Variants in E2F2 observed in about 807,000 individuals in gnomAD.
E2F2 encodes the protein E2F transcription factor 2.
In E2F2, 22 loss-of-function variants were observed where a neutral mutation model predicts 42.2. The observed-to-expected ratio is 0.52, with a 90% CI of 0.37 to 0.74. E2F2 has a LOEUF of 0.74. Ranked by LOEUF, E2F2 falls within the 30% of genes least tolerant of loss-of-function variation. The probability of loss-of-function intolerance (pLI) is 0.00; values close to 1 mark genes in which losing one functional copy is unlikely to be tolerated. For missense variants in E2F2, 481 were observed against 557.8 expected (o/e 0.86, Z 1.39); for synonymous variants, 248 against 251.6 (o/e 0.99, Z 0.13).
In E2F2 at chr1:23,530,545, C is replaced by T. The variant is rs376721695; in HGVS notation, c.249G>A (p.Leu83=). ...CGGTGGGGGCCCCCAGCATTACCGG[C>T]AGCCGGCCTGCCGGCAGGCATCGCA... ...QVVRCLPAGR[L]PAKRKLDLEG... Residue 83 remains leucine, a synonymous_variant, in exon 1 of 7, where the codon CTG becomes CTA. Coordinates refer to ENST00000361729, the MANE Select transcript of E2F2 (RefSeq NM_004091.4). This position sits in a 1 kb window ranked among gnomAD's most constrained non-coding sequence, Gnocchi z 4.4. 33 of 1,609,766 alleles carry T rather than the reference C, an allele frequency of 2.0e-5. No individual in the cohort carries two copies. The African/African-American group carries it at 3.7e-4, about 18-fold the overall frequency.
intron 2 of E2F2, among the ~76,000 whole-genome samples, chr1:23,522,703 G>C (rs955841629): frequency 6.6e-6 from 1 of 152,012 alleles, no homozygotes; most frequent in Non-Finnish European, 1.5e-5. Context: ...GAGAAAAATC[G>C]GTCCTGTAAC....
intron 6 of E2F2, among the ~76,000 whole-genome samples, chr1:23,512,558 C>G (rs893315184): frequency 6.6e-6 from 1 of 152,182 alleles, no homozygotes; most frequent in Admixed American, 6.5e-5. Context: ...AGCGCCTCCT[C>G]TCACCAGCCA....
At position 23,508,466 on chromosome 1, in the gene E2F2, C is replaced by T. The variant is rs1642843062; in HGVS notation, c.*1414G>A. ...TCCAGAAGTCATAGCCTTGGTTCAG[C>T]CCAGAGCACCCACATCCCAGGGTGG... On this transcript the variant is annotated 3_prime_UTR_variant, in exon 7 of 7. Coordinates refer to ENST00000361729, the MANE Select transcript of E2F2 (RefSeq NM_004091.4). 1 of 152,192 alleles carries T rather than the reference C, an allele frequency of 6.6e-6. No homozygotes were observed. The highest frequency in any genetic ancestry group is 2.4e-5 in the African/African-American group (1 of 41,404). 9.4% of individuals were successfully genotyped at this position (152,192 alleles called of 1,614,324 possible).
chr1:23,518,282 A>G (rs890336878), intron 5 of E2F2, among the ~76,000 whole-genome samples: 3 of 152,108 alleles, frequency 2.0e-5, no homozygotes, highest in Non-Finnish European at 2.9e-5. Context: ...CCTGACCAAC[A>G]TGGTGAAACC....
rs1642820867 is a variant in E2F2, at chr1:23,507,468, A to G, written c.*2412T>C. The G allele has an allele frequency of 6.6e-6, 1 of 152,008 alleles. No homozygotes were observed. Among genetic ancestry groups the G allele is most frequent in the Non-Finnish European group, 1.5e-5 (1 of 68,358 alleles). 9.4% of individuals were successfully genotyped at this position (152,008 alleles called of 1,614,324 possible). On this transcript the variant is annotated 3_prime_UTR_variant, in exon 7 of 7. Transcript: ENST00000361729. ...GAGGCAGAGGTTGCAGTGAGCCGAG[A>G]TCAGGCCACTGCACTCCAGCCTGGG... is the stretch of plus-strand genomic sequence containing the variant.
chr1:23,510,146 G>A lies in E2F2; in HGVS notation c.1048C>T (p.Pro350Ser). The A allele has an allele frequency of 6.3e-7, 1 of 1,592,756 alleles. No individual in the cohort carries two copies. ...SIMEPTASSV[P>S]APAPTPQQAP... ...TGCTGGGGGGTTGGCGCTGGTGCTG[G>A]CACTGGAGACAAACAGACAAAGGTT... Residue 350 changes from proline to serine, a missense_variant and splice_region_variant, in exon 7 of 7, where the codon CCA becomes TCA. Physicochemically the swap from Pro to Ser is moderately conservative, Grantham distance 74. Transcript: ENST00000361729.
In E2F2 at chr1:23,510,096, G is replaced by T; in HGVS notation, c.1098C>A (p.Val366=). 6.2e-7 allele frequency: 1 copy of T among 1,606,216 alleles called. No individual in the cohort carries two copies. The highest frequency in any genetic ancestry group is 1.1e-5 in the South Asian group (1 of 89,338). The change falls in exon 7 of 7, where the codon GTC becomes GTA. Residue 366 remains valine (V), a synonymous_variant. Transcript: ENST00000361729. ...PQQAPPPPSL[V]PLEATDSLLE... ...GCAGGCTGTCAGTAGCCTCCAAGGG[G>T]ACCAGGGATGGAGGCGGTGGGGCCT...
rs1558237706 is a variant in E2F2 at position 23,513,561 on chromosome 1, C to CGTGTGTGT, written c.1045+2773_1045+2774insACACACAC. Among the ~76,000 whole-genome samples, 121 of 116,032 alleles carry CGTGTGTGT rather than the reference C, an allele frequency of 1.0e-3. 2 individuals carry two copies. Among genetic ancestry groups the CGTGTGTGT allele is most frequent in the African/African-American group, 2.6e-3 (83 of 32,310 alleles). 76.1% of individuals were successfully genotyped at this position (116,032 alleles called of 152,430 possible). ...TACTATTTCAGAACACAGCACGGAA[C>CGTGTGTGT]ATGTGTGTGTGTGTGTGTGTGTGTG... On this transcript the variant is annotated intron_variant, in intron 6 of 6. Coordinates refer to ENST00000361729, the MANE Select transcript of E2F2 (RefSeq NM_004091.4).
At chr1:23,517,676 G>A (rs1486879468) in intron 5 of E2F2, among the ~76,000 whole-genome samples, 2 of 152,322 alleles carry the variant, frequency 1.3e-5, no homozygotes, top group African/African-American at 2.4e-5. Flanking sequence ...GAATGCAATC[G>A]TGTAATCATG....
Position 23,521,069 on chromosome 1 carries a change from C to T in E2F2, c.581G>A (p.Gly194Asp). Residue 194 changes from glycine to aspartate, a missense_variant and splice_region_variant, in exon 4 of 7, where the codon GGC becomes GAC. Physicochemically the swap from Gly to Asp is moderately conservative, Grantham distance 94. Transcript: ENST00000361729. ...KKAKNNIQWV[G>D]RGMFEDPTRP... Reference sequence around the variant, plus strand: ...GGTGGGGTCTTCAAACATTCCCCTGCCTCTGGGAACAGAGCAGCCCCCCAG... The same window carrying T: ...GGTGGGGTCTTCAAACATTCCCCTGTCTCTGGGAACAGAGCAGCCCCCCAG... The T allele has an allele frequency of 1.2e-6, 2 of 1,608,854 alleles. No individual in the cohort carries two copies. The highest frequency in any genetic ancestry group is 1.7e-6 in the Non-Finnish European group (2 of 1,177,716).
chr1:23,520,805 G>A (rs1643128207), intron 4 of E2F2, 108 bp downstream of exon 4: 3 of 1,223,108 alleles, frequency 2.5e-6, no homozygotes, highest in Non-Finnish European at 3.2e-6. Context: ...CAGGAAGGAA[G>A]AAACAGATGC....
At chr1:23,527,277 A>T (rs1643266714) in intron 1 of E2F2, among the ~76,000 whole-genome samples, 1 of 152,236 alleles carries the variant, frequency 6.6e-6, no homozygotes, top group Non-Finnish European at 1.5e-5. Flanking sequence ...GCACTGATGT[A>T]TGGGGAGCAC....
In E2F2 at chr1:23,530,806, GC is replaced by G; in HGVS notation, c.-14del. The G allele has an allele frequency of 6.7e-7, 1 of 1,495,996 alleles. No individual in the cohort carries two copies. Among genetic ancestry groups the G allele is most frequent in the Non-Finnish European group, 8.9e-7 (1 of 1,118,854 alleles). The allele number at this position is 1,495,996 out of a possible 1,614,324, so 92.7% of individuals were successfully genotyped here. A position where few individuals can be genotyped will look rare whatever the true frequency, so the allele number is the denominator to read the frequency against. On this transcript the variant is annotated 5_prime_UTR_variant, in exon 1 of 7. Coordinates refer to ENST00000361729, the MANE Select transcript of E2F2 (RefSeq NM_004091.4). The surrounding 1 kb of genome is among the most constrained non-coding windows in gnomAD (Gnocchi z 4.4). Reference sequence around the variant, plus strand: ...GCCCTTGCAGCATAGCGAGTAAGGCGCCCCCTACCCAAAAGGGCTTGGCGCG... The same window carrying G: ...GCCCTTGCAGCATAGCGAGTAAGGCGCCCCTACCCAAAAGGGCTTGGCGCG...
chr1:23,509,714 A>G lies in E2F2; in HGVS notation c.*166T>C. On this transcript the variant is annotated 3_prime_UTR_variant, in exon 7 of 7. Transcript: ENST00000361729. ...TATCCACTCCTCACCCGTACCATTC[A>G]TATCTCCCCACACAGCTTCTGCCGG... is the stretch of plus-strand genomic sequence containing the variant. 7.5e-7 allele frequency: 1 copy of G among 1,335,880 alleles called. No individual in the cohort carries two copies. Among genetic ancestry groups the G allele is most frequent in the South Asian group, 1.8e-5 (1 of 54,594 alleles). The allele number at this position is 1,335,880 out of a possible 1,614,324, so 82.8% of individuals were successfully genotyped here. A position where few individuals can be genotyped will look rare whatever the true frequency, so the allele number is the denominator to read the frequency against.
At chr1:23,529,561 C>A (rs557206005) in intron 1 of E2F2, among the ~76,000 whole-genome samples, 5 of 152,316 alleles carry the variant, frequency 3.3e-5, no homozygotes, top group African/African-American at 9.6e-5. Flanking sequence ...CCTTCCTCTC[C>A]CTGGAGCCTG....
chr1:23,511,153 C>G (rs1642900960), intron 6 of E2F2, among the ~76,000 whole-genome samples: 1 of 152,166 alleles, frequency 6.6e-6, no homozygotes. Flanking sequence ...GCTGCTAAAC[C>G]CAATGGTCAT....
chr1:23,522,103 G>A (rs1207323249), intron 2 of E2F2, 47 bp from the exon 3 acceptor site: 3 of 1,565,584 alleles, frequency 1.9e-6, no homozygotes, highest in Admixed American at 1.7e-5. Context: ...GGGAGGGCCC[G>A]CCCAGGACCC....
In E2F2 at chr1:23,530,621, G is replaced by A. The variant is rs778871188; in HGVS notation, c.173C>T (p.Ala58Val). The A allele has an allele frequency of 3.4e-5, 55 of 1,613,024 alleles. No individual in the cohort carries two copies. The highest frequency in any genetic ancestry group is 4.3e-5 in the Non-Finnish European group (51 of 1,179,794). Residue 58 changes from alanine (A) to valine (V), a missense_variant, in exon 1 of 7, where the codon GCG (alanine) becomes GTG (valine). Coordinates refer to ENST00000361729, the MANE Select transcript of E2F2 (RefSeq NM_004091.4). This position sits in a 1 kb window ranked among gnomAD's most constrained non-coding sequence, Gnocchi z 4.4. ...LYPQTAPPAA[A>V]PGTCLDATPH... ...AGTGGCGTCGAGGCAGGTGCCTGGC[G>A]CCGCTGCGGGAGGCGCCGTCTGCGG...
At chr1:23,522,416 G>T (rs1051737294) in intron 2 of E2F2, among the ~76,000 whole-genome samples, 3 of 152,210 alleles carry the variant, frequency 2.0e-5, no homozygotes, top group Admixed American at 2.0e-4. Flanking sequence ...ACAACACCCT[G>T]TAAGGGTTGC....
Sources: allele counts gnomAD v4.1 joint callset (sites outside exome capture counted in the v4.1 genomes callset), GRCh38; gene constraint gnomAD v4.1.1; non-coding constraint Gnocchi (gnomAD v3.1); transcripts MANE v1.5; gene names NCBI Gene and HGNC (gene_info 2026-07-23, HGNC 2026-07-21).